MAD1L1: variants seen among roughly 807,000 people sequenced by gnomAD.
MAD1L1 encodes mitotic spindle assembly checkpoint protein MAD1.
In MAD1L1, 95 loss-of-function variants were observed where a neutral mutation model predicts 96.9. That is an observed-to-expected ratio of 0.98 (90% confidence interval 0.83 to 1.16). MAD1L1 has a LOEUF of 1.16. Among genes scored for constraint, MAD1L1 ranks in the 50% most tolerant of loss-of-function variants. MAD1L1 has a pLI of 0.00. For missense variants in MAD1L1, 1,007 were observed against 954.4 expected, an observed-to-expected ratio of 1.06 and a Z score of -0.73; for synonymous variants, 473 against 396.6, an observed-to-expected ratio of 1.19 and a Z score of -2.29.
At chr7:2,222,096 CAG>C (rs1433585677) in intron 5 of MAD1L1, among the ~76,000 whole-genome samples, 1 of 145,544 alleles carries the variant, frequency 6.9e-6, no homozygotes, top group Non-Finnish European at 1.5e-5. Flanking sequence ...TTTTTTGAGA[CAG>C]AGTCTTGCTG....
intron 15 of MAD1L1, among the ~76,000 whole-genome samples, chr7:1,967,823 C>G (rs1305304805): frequency 6.6e-6 from 1 of 152,212 alleles, no homozygotes; most frequent in African/African-American, 2.4e-5. Context: ...GAACACAGAG[C>G]ACACGGCAAA....
At chr7:2,093,244 C>CA (rs10654575) in intron 11 of MAD1L1, among the ~76,000 whole-genome samples, 87,182 of 100,982 alleles carry the variant, frequency 0.86, 37,764 homozygotes, top group Non-Finnish European at 0.89. Context: ...GACTCCGTGT[C>CA]AAAAAAAAAA....
At chr7:2,082,510 G>A (rs896740593) in intron 11 of MAD1L1, among the ~76,000 whole-genome samples, 1 of 152,220 alleles carries the variant, frequency 6.6e-6, no homozygotes, top group African/African-American at 2.4e-5. Flanking sequence ...GAGCCGTGAG[G>A]CATGGAGCTG....
intron 18 of MAD1L1, among the ~76,000 whole-genome samples, chr7:1,855,181 C>T (rs151191553): frequency 2.2e-4 from 34 of 152,176 alleles, no homozygotes; most frequent in Non-Finnish European, 4.7e-4. Context: ...CTCCCTCATC[C>T]TTCCCGTCTC....
intron 12 of MAD1L1, among the ~76,000 whole-genome samples, chr7:2,056,245 C>A (rs1381256177): frequency 6.6e-6 from 1 of 152,136 alleles, no homozygotes; most frequent in Non-Finnish European, 1.5e-5. Context: ...CTACCTAAGA[C>A]CAAAAATTTT....
intron 10 of MAD1L1, among the ~76,000 whole-genome samples, chr7:2,160,253 A>G (rs1264688753): frequency 6.6e-6 from 1 of 151,546 alleles, no homozygotes; most frequent in Non-Finnish European, 1.5e-5. Flanking sequence ...AAAAAAATCT[A>G]AAAGATAAAC....
chr7:2,172,531 C>T (rs904469344), intron 10 of MAD1L1, among the ~76,000 whole-genome samples: 9 of 152,238 alleles, frequency 5.9e-5, no homozygotes, highest in Non-Finnish European at 1.2e-4. Context: ...CTGCCTGCAC[C>T]GTGTGCTTCC....
At chr7:1,890,547 C>A (rs1334204049) in intron 18 of MAD1L1, among the ~76,000 whole-genome samples, 1 of 152,242 alleles carries the variant, frequency 6.6e-6, no homozygotes, top group Non-Finnish European at 1.5e-5. Context: ...GAGCCAAATA[C>A]ACTCCTTTTT....
chr7:1,976,840 A>T (rs768424237), intron 15 of MAD1L1, among the ~76,000 whole-genome samples: 1 of 152,132 alleles, frequency 6.6e-6, no homozygotes, highest in Non-Finnish European at 1.5e-5. Flanking sequence ...CTTGAGCTAG[A>T]CACAGGGTGC....
intron 18 of MAD1L1, among the ~76,000 whole-genome samples, chr7:1,818,221 G>A (rs1301447595): frequency 6.6e-6 from 1 of 152,008 alleles, no homozygotes; most frequent in African/African-American, 2.4e-5. Flanking sequence ...CTCCTCAGCC[G>A]GCCCTTCGCC....
At chr7:1,848,301 C>T (rs115516933) in intron 18 of MAD1L1, 2,082 of 161,334 alleles carry the variant, frequency 0.013, 39 homozygotes, top group African/African-American at 0.047. Context: ...ATCGGCCACT[C>T]GGGTAGACAG....
intron 11 of MAD1L1, among the ~76,000 whole-genome samples, chr7:2,085,240 T>C (rs1003386333): frequency 2.2e-4 from 33 of 152,222 alleles, no homozygotes; most frequent in African/African-American, 8.0e-4. Flanking sequence ...CAATGGTGAC[T>C]GTCCTCAAAG....
intron 18 of MAD1L1, chr7:1,838,686 A>T: frequency 2.4e-6 from 1 of 424,940 alleles, no homozygotes; most frequent in African/African-American, 2.0e-5. Flanking sequence ...GAGGATGGCT[A>T]TGGGGCACGT....
intron 11 of MAD1L1, among the ~76,000 whole-genome samples, chr7:2,139,527 G>C (rs893132981): frequency 2.0e-5 from 3 of 152,234 alleles, no homozygotes; most frequent in African/African-American, 4.8e-5. Context: ...CACCCTGAGA[G>C]TATGGAAAAT....
rs1465617820 is a variant in MAD1L1, at chr7:2,065,124, G to A, written c.1218+4070C>T. Among the ~76,000 whole-genome samples the A allele has an allele frequency of 2.0e-5, 3 of 152,258 alleles. No homozygotes were observed. The East Asian group carries it at 5.8e-4, about 29-fold the overall frequency. The stretch of plus-strand genomic sequence containing the variant: ...CTCTCTTCTGGATGTGAGGCAGGAA[G>A]AACATGGAACTCTTCTGAGGGGTCC... On this transcript the variant is annotated intron_variant, in intron 12 of 18. Transcript: ENST00000265854.
In MAD1L1 at chr7:1,968,990, C is replaced by A. The variant is rs114621236; in HGVS notation, c.1506-11271G>T. Among the ~76,000 whole-genome samples, 9 of 152,304 alleles carry A rather than the reference C, an allele frequency of 5.9e-5. No individual in the cohort carries two copies. In the South Asian group the frequency reaches 1.9e-3, roughly 32 times the overall value. On this transcript the variant is annotated intron_variant, in intron 15 of 18. Coordinates refer to ENST00000265854, the MANE Select transcript of MAD1L1 (RefSeq NM_001013836.2). The surrounding 1 kb of genome is among the most constrained non-coding windows in gnomAD (Gnocchi z 5.6). ...CCATGGCAGCGTGAGATGTCAACAG[C>A]GAGAGAAACCGGGTGAAGAGGGTAT...
At chr7:2,221,105 G>A (rs1793582498) in intron 5 of MAD1L1, 23 of 1,372,426 alleles carry the variant, frequency 1.7e-5, no homozygotes, top group South Asian at 7.9e-5. Context: ...GACATGACAG[G>A]CCAAAGCAGC....
intron 17 of MAD1L1, among the ~76,000 whole-genome samples, chr7:1,903,423 T>C (rs901154119): frequency 2.0e-5 from 3 of 149,636 alleles, no homozygotes; most frequent in Non-Finnish European, 4.4e-5. Flanking sequence ...GAACTCATGA[T>C]TGATGAAGCA....
chr7:1,890,463 T>C (rs1464775844), intron 18 of MAD1L1, among the ~76,000 whole-genome samples: 1 of 152,250 alleles, frequency 6.6e-6, no homozygotes, highest in Non-Finnish European at 1.5e-5. Flanking sequence ...TCTCCCGCCA[T>C]GAGTGGACGC....
Sources: gnomAD v4.1 joint callset for allele counts (sites outside exome capture counted in the v4.1 genomes callset) on GRCh38, gnomAD v4.1.1 for gene constraint, Gnocchi (gnomAD v3.1) non-coding constraint, MANE v1.5 for transcripts, NCBI Gene and HGNC (gene_info 2026-07-23, HGNC 2026-07-21) for gene names.